The following GRM7 variants were observed in gnomAD, a reference collection of about 807,000 sequenced individuals.
GRM7 encodes the protein glutamate metabotropic receptor 7, also known as metabotropic glutamate receptor 7.
GRM7 carries 35 observed loss-of-function variants against 84.5 expected under a neutral mutation model. The observed-to-expected ratio is 0.41, with a 90% CI of 0.32 to 0.55. The LOEUF (loss-of-function observed/expected upper bound fraction) is 0.55, where lower values mean the gene tolerates loss of function less well. GRM7 is among the 20% of genes least tolerant of loss of function. GRM7 has a pLI of 0.19. For synonymous variants in GRM7, 487 were observed against 455.1 expected, an observed-to-expected ratio of 1.07 and a Z score of -0.89; for missense variants, 1,003 against 1,194.6, an observed-to-expected ratio of 0.84 and a Z score of 2.36.
chr3:6,930,025 G>A (rs1697446469), intron 1 of GRM7, among the ~76,000 whole-genome samples: 1 of 152,178 alleles, frequency 6.6e-6, no homozygotes, highest in Admixed American at 6.6e-5. Context: ...ATGAAATAAA[G>A]CTAATGTTCA....
At chr3:7,117,273 A>G (rs1242629681) in intron 1 of GRM7, among the ~76,000 whole-genome samples, 1 of 152,154 alleles carries the variant, frequency 6.6e-6, no homozygotes. Flanking sequence ...AAAAAGTCCA[A>G]TTCAAGATAC....
intron 2 of GRM7, among the ~76,000 whole-genome samples, chr3:7,236,184 C>A (rs138957244): frequency 3.9e-5 from 6 of 152,216 alleles, no homozygotes; most frequent in African/African-American, 1.4e-4. Flanking sequence ...CCCAAAAACC[C>A]CATCTATTAA....
At chr3:6,897,456 C>T (rs918512415) in intron 1 of GRM7, among the ~76,000 whole-genome samples, 1 of 152,164 alleles carries the variant, frequency 6.6e-6, no homozygotes, top group Non-Finnish European at 1.5e-5. Flanking sequence ...AAGCTTGGAG[C>T]AGACCTGACT....
At chr3:7,186,193 C>T (rs188298885) in intron 2 of GRM7, among the ~76,000 whole-genome samples, 44 of 152,300 alleles carry the variant, frequency 2.9e-4, no homozygotes, top group African/African-American at 9.9e-4. Context: ...TAAAGAGAAG[C>T]AGTGCAATGA....
chr3:7,396,136 A>G (rs1336012187), intron 4 of GRM7, among the ~76,000 whole-genome samples: 2 of 152,160 alleles, frequency 1.3e-5, no homozygotes, highest in South Asian at 2.1e-4. Context: ...TGTCAAAATT[A>G]TATCAAAATC....
intron 8 of GRM7, among the ~76,000 whole-genome samples, chr3:7,612,445 A>C (rs1436119919): frequency 6.6e-6 from 1 of 152,170 alleles, no homozygotes; most frequent in East Asian, 1.9e-4. Flanking sequence ...CTCTGAGCTG[A>C]ACCTCCTAGG....
At chr3:7,085,135 A>T (rs1275226242) in intron 1 of GRM7, among the ~76,000 whole-genome samples, 1 of 152,172 alleles carries the variant, frequency 6.6e-6, no homozygotes, top group Non-Finnish European at 1.5e-5. Flanking sequence ...GGATCCTAAT[A>T]GTCTGTGAAA....
At chr3:7,392,402 C>G (rs558935189) in intron 4 of GRM7, among the ~76,000 whole-genome samples, 1 of 152,212 alleles carries the variant, frequency 6.6e-6, no homozygotes, top group African/African-American at 2.4e-5. Context: ...GCTATGGAGG[C>G]CCTTCCCACG....
chr3:7,089,251 C>A (rs6443083), intron 1 of GRM7, among the ~76,000 whole-genome samples: 86,357 of 151,968 alleles, frequency 0.57, 26,576 homozygotes, highest in African/African-American at 0.83. Flanking sequence ...AAATGTTATA[C>A]ATAAAATATC....
At chr3:7,450,805 G>C (rs1343144914) in intron 5 of GRM7, among the ~76,000 whole-genome samples, 1 of 151,982 alleles carries the variant, frequency 6.6e-6, no homozygotes, top group African/African-American at 2.4e-5. Context: ...ATTTAAATGA[G>C]ATACATATAA....
chr3:7,276,207 A>ATATG (rs1320211862), intron 2 of GRM7, among the ~76,000 whole-genome samples: 2 of 96,666 alleles, frequency 2.1e-5, no homozygotes, highest in Non-Finnish European at 4.2e-5. Flanking sequence ...ATATATATAT[A>ATATG]TGTGTGTGTG....
At chr3:7,511,486 A>T (rs559525261) in intron 7 of GRM7, among the ~76,000 whole-genome samples, 1 of 150,098 alleles carries the variant, frequency 6.7e-6, no homozygotes, top group Non-Finnish European at 1.5e-5. Flanking sequence ...TGCCATCAAG[A>T]TTGAGTGGAC....
rs904047746 is a variant in GRM7, at chr3:7,557,515, C to T, written c.1516-20907C>T. The stretch of plus-strand genomic sequence containing the variant: ...AAATAAGTTGCCATGTATTTATCAT[C>T]CTCCATGTTTTGAGTGCTTTTAGAT... On this transcript the variant is annotated intron_variant, in intron 7 of 9. Coordinates refer to ENST00000357716, the MANE Select transcript of GRM7 (RefSeq NM_000844.4). Among the ~76,000 whole-genome samples, 3 of 152,236 alleles carry T rather than the reference C, an allele frequency of 2.0e-5. No individual in the cohort carries two copies. In the South Asian group the frequency reaches 6.2e-4, roughly 32 times the overall value.
chr3:7,494,852 A>C (rs1699645625), intron 7 of GRM7, among the ~76,000 whole-genome samples: 1 of 152,204 alleles, frequency 6.6e-6, no homozygotes, highest in South Asian at 2.1e-4. Context: ...TGTCCAAGAG[A>C]ACTCATAATT....
At chr3:7,410,983 G>A (rs898413160) in intron 4 of GRM7, among the ~76,000 whole-genome samples, 47 of 152,246 alleles carry the variant, frequency 3.1e-4, no homozygotes, top group African/African-American at 8.2e-4. Context: ...GGCTCTAGGC[G>A]GAGTAGCCTT....
chr3:7,563,006 G>T (rs897216269), intron 7 of GRM7, among the ~76,000 whole-genome samples: 7 of 152,096 alleles, frequency 4.6e-5, no homozygotes, highest in Admixed American at 3.3e-4. Context: ...AAAATAGAAA[G>T]TAGGGGAATA....
chr3:6,950,928 G>C (rs1005165808), intron 1 of GRM7, among the ~76,000 whole-genome samples: 1 of 152,182 alleles, frequency 6.6e-6, no homozygotes, highest in African/African-American at 2.4e-5. Context: ...GGGTGAGAGT[G>C]ACCCGATTTT....
chr3:7,396,884 A>C lies in GRM7; in HGVS notation c.1034-18139A>C, dbSNP rs1169815238. On this transcript the variant is annotated intron_variant, in intron 4 of 9. Transcript: ENST00000357716. ...TCGTACCATAAAATAGAAGAACTTT[A>C]TGGCATCTAATATTATTCTCCTTTC... Among the ~76,000 whole-genome samples, 3 of 152,142 alleles carry C rather than the reference A, an allele frequency of 2.0e-5. No homozygotes were observed. The South Asian group carries it at 6.2e-4, about 32-fold the overall frequency.
At chr3:6,887,874 A>C (rs563368926) in intron 1 of GRM7, among the ~76,000 whole-genome samples, 1 of 152,290 alleles carries the variant, frequency 6.6e-6, no homozygotes, top group African/African-American at 2.4e-5. Context: ...CTATTTCTCC[A>C]CATCCTCTCC....
Sources: allele counts gnomAD v4.1 joint callset (sites outside exome capture counted in the v4.1 genomes callset), GRCh38; gene constraint gnomAD v4.1.1; transcripts MANE v1.5; gene names NCBI Gene and HGNC (gene_info 2026-07-23, HGNC 2026-07-21).